The following PIGN variants were observed in gnomAD, a reference collection of about 807,000 sequenced individuals.
PIGN encodes the protein GPI ethanolamine phosphate transferase 1.
Under a neutral mutation model 125.4 loss-of-function variants are expected in PIGN, and 117 were observed. The ratio of observed to expected loss-of-function variants is 0.93; its 90% CI spans 0.80 to 1.09. The LOEUF (loss-of-function observed/expected upper bound fraction) is 1.09. Among genes scored for constraint, PIGN ranks in the 50% least tolerant of loss-of-function variants. The probability of loss-of-function intolerance (pLI) is 0.00; values close to 1 mark genes in which losing one functional copy is unlikely to be tolerated. For missense variants in PIGN, 1,075 were observed against 1,094.9 expected, an observed-to-expected ratio of 0.98 and a Z score of 0.26; for synonymous variants, 392 against 377.8, an observed-to-expected ratio of 1.04 and a Z score of -0.44.
At chr18:62,185,492 C>T (rs1296571318) in intron 1 of PIGN, among the ~76,000 whole-genome samples, 2 of 151,830 alleles carry the variant, frequency 1.3e-5, no homozygotes, top group Admixed American at 6.6e-5. Flanking sequence ...TTTATTGAGC[C>T]TGGGTATATT....
chr18:62,100,958 T>C, intron 22 of PIGN, 117 bp downstream of exon 22: 2 of 679,564 alleles, frequency 2.9e-6, no homozygotes, highest in East Asian at 2.7e-5. Context: ...CCAGTTATTA[T>C]TATTTTCCTG....
At chr18:62,092,386 A>G (rs994180503) in intron 23 of PIGN, among the ~76,000 whole-genome samples, 7 of 152,178 alleles carry the variant, frequency 4.6e-5, no homozygotes, top group African/African-American at 7.2e-5. Context: ...CAAGTTAAAA[A>G]AAGAAAGTTC....
chr18:62,120,951 C>G (rs2035280613), intron 14 of PIGN, among the ~76,000 whole-genome samples: 1 of 152,002 alleles, frequency 6.6e-6, no homozygotes, highest in Non-Finnish European at 1.5e-5. Flanking sequence ...GTGCTACTTA[C>G]AGAAGACATA....
chr18:62,168,933 GC>G (rs1282646997), intron 1 of PIGN, among the ~76,000 whole-genome samples: 1 of 141,082 alleles, frequency 7.1e-6, no homozygotes, highest in Non-Finnish European at 1.5e-5. Flanking sequence ...TCAGCTCACC[GC>G]AACCTCCGCC....
At chr18:62,138,177 T>C (rs569330817) in intron 14 of PIGN, 66 bp downstream of exon 14, 17 of 1,531,052 alleles carry the variant, frequency 1.1e-5, no homozygotes, top group Non-Finnish European at 1.4e-5. Context: ...TATCACTCAG[T>C]GAAAAATTGC....
chr18:62,085,623 G>C (rs1425133459), intron 25 of PIGN, among the ~76,000 whole-genome samples: 1 of 152,116 alleles, frequency 6.6e-6, no homozygotes, highest in Non-Finnish European at 1.5e-5. Context: ...TCAGCTGAGA[G>C]ACACAGTTAT....
intron 10 of PIGN, among the ~76,000 whole-genome samples, chr18:62,145,498 G>T (rs2036292038): frequency 1.3e-5 from 2 of 152,138 alleles, no homozygotes; most frequent in African/African-American, 2.4e-5. Context: ...ATATCTTGTA[G>T]GTAGGGTGAT....
intron 7 of PIGN, among the ~76,000 whole-genome samples, chr18:62,151,184 A>C (rs926298900): frequency 1.3e-5 from 2 of 152,224 alleles, no homozygotes; most frequent in Non-Finnish European, 2.9e-5. Flanking sequence ...AATGCATGTA[A>C]TATACCTGTT....
intron 30 of PIGN, among the ~76,000 whole-genome samples, chr18:62,068,950 G>C (rs1203313487): frequency 6.6e-6 from 1 of 152,188 alleles, no homozygotes; most frequent in African/African-American, 2.4e-5. Context: ...CAGTACAAGA[G>C]AGACTACTCT....
At chr18:62,144,023 A>G (rs1255763025) in intron 10 of PIGN, among the ~76,000 whole-genome samples, 1 of 152,192 alleles carries the variant, frequency 6.6e-6, no homozygotes, top group African/African-American at 2.4e-5. Flanking sequence ...TTCATTCAAT[A>G]AGCTAATTAA....
chr18:62,065,098 C>T (rs1489806533), intron 30 of PIGN, among the ~76,000 whole-genome samples: 1 of 152,098 alleles, frequency 6.6e-6, no homozygotes, highest in South Asian at 2.1e-4. Context: ...GGCTAAAAGG[C>T]GTTTTCTTTT....
Position 62,157,212 on chromosome 18 carries a change from G to A in PIGN, c.359C>T (p.Pro120Leu), listed in dbSNP as rs773328493. Residue 120 changes from proline to leucine, a missense_variant, in exon 6 of 31, where the codon CCT becomes CTT. Around this residue, in one of 3 missense-constraint regions of PIGN, gnomAD observed 152 missense variants for 162.9 expected, o/e 0.93. Coordinates refer to ENST00000640252, the MANE Select transcript of PIGN (RefSeq NM_176787.5). ...SAVAKGWKEN[P>L]VEFDSLFNES... ...ATTAAAAAGAGAATCAAACTCTACA[G>A]GATTTTCCTTCCATCCTTCAGAAAG... The A allele has an allele frequency of 1.2e-6, 2 of 1,601,594 alleles. No individual in the cohort carries two copies. The highest frequency in any genetic ancestry group is 4.5e-5 in the East Asian group (2 of 44,668).
intron 23 of PIGN, among the ~76,000 whole-genome samples, chr18:62,035,971 T>G (rs1332640456): frequency 6.6e-6 from 1 of 152,146 alleles, no homozygotes; most frequent in Non-Finnish European, 1.5e-5. Context: ...TCATCCATCT[T>G]CCAGCTAAGC....
chr18:62,098,414 C>T lies in PIGN; in HGVS notation c.2078-2464G>A, dbSNP rs151243517. On this transcript the variant is annotated intron_variant, in intron 22 of 30. Transcript: ENST00000640252. ...AAAGTCAGTTAATCTGTTGGACATA[C>T]GGTGGTTGTTAAGAAATAAAAAAAT... Among the ~76,000 whole-genome samples, 256 of 152,068 alleles carry T rather than the reference C, an allele frequency of 1.7e-3. 1 individual carries two copies. Among genetic ancestry groups the T allele is most frequent in the African/African-American group, 5.5e-3 (229 of 41,482 alleles).
chr18:62,155,914 G>GCC (rs1397182856), intron 6 of PIGN, among the ~76,000 whole-genome samples: 4 of 152,244 alleles, frequency 2.6e-5, no homozygotes, highest in African/African-American at 7.2e-5. Context: ...TTTTTGGTCC[G>GCC]CCCAGTATAA....
intron 1 of PIGN, among the ~76,000 whole-genome samples, chr18:62,174,082 C>T (rs990602482): frequency 9.9e-5 from 15 of 152,052 alleles, no homozygotes; most frequent in East Asian, 3.9e-4. Flanking sequence ...GGCATGGTGG[C>T]GGGCACCTGT....
rs753909540 is a variant in PIGN, at chr18:62,161,114, T to C, written c.221+19A>G. ...AATAACATTTTAAGAGATGTCTCTG[T>C]ATCAGTTTACATGCTTACCTAATAA... is the stretch of plus-strand genomic sequence containing the variant. On this transcript the variant is annotated intron_variant, in intron 4 of 30. Transcript: ENST00000640252. The C allele has an allele frequency of 3.4e-6, 5 of 1,476,242 alleles. No individual in the cohort carries two copies. The highest frequency in any genetic ancestry group is 3.8e-6 in the Non-Finnish European group (4 of 1,058,956). The allele number at this position is 1,476,242 out of a possible 1,614,324, so 91.4% of individuals were successfully genotyped here. A position where few individuals can be genotyped will look rare whatever the true frequency, so the allele number is the denominator to read the frequency against.
chr18:62,076,534 G>C (rs1269263779), intron 28 of PIGN, among the ~76,000 whole-genome samples: 2 of 152,150 alleles, frequency 1.3e-5, no homozygotes, highest in South Asian at 4.1e-4. Context: ...TTCCTTTAAT[G>C]GGTTACAATT....
intron 27 of PIGN, 47 bp downstream of exon 27, chr18:62,084,484 T>G (rs535296018): frequency 7.8e-5 from 94 of 1,207,704 alleles, no homozygotes; most frequent in Non-Finnish European, 9.8e-5. Flanking sequence ...CTTTATAATC[T>G]TAATCAATCA....
Sources: gnomAD v4.1 joint callset for allele counts (sites outside exome capture counted in the v4.1 genomes callset) on GRCh38, gnomAD v4.1.1 for gene constraint, gnomAD v4.1.1 regional missense constraint, MANE v1.5 for transcripts, NCBI Gene and HGNC (gene_info 2026-07-23, HGNC 2026-07-21) for gene names.